LUC7L2: variants seen among roughly 807,000 people sequenced by gnomAD.
The protein encoded by LUC7L2 is LUC7 like 2, pre-mRNA splicing factor.
In LUC7L2, 25 loss-of-function variants were observed where a neutral mutation model predicts 52.8. That is an observed-to-expected ratio of 0.47 (90% CI 0.34 to 0.66). The LOEUF (loss-of-function observed/expected upper bound fraction) is 0.66. Ranked by LOEUF, LUC7L2 falls within the 30% of genes least tolerant of loss-of-function variation. The pLI is 0.01. For missense variants in LUC7L2, 328 were observed against 497.8 expected, an observed-to-expected ratio of 0.66 and a Z score of 3.25; for synonymous variants, 144 against 160.9, an observed-to-expected ratio of 0.89 and a Z score of 0.80.
At chr7:139,408,385 T>G (rs1795209063) in intron 6 of LUC7L2, among the ~76,000 whole-genome samples, 1 of 152,174 alleles carries the variant, frequency 6.6e-6, no homozygotes, top group African/African-American at 2.4e-5. Flanking sequence ...AGCAGCAGCA[T>G]CAGGATGGTA....
upstream of LUC7L2, among the ~76,000 whole-genome samples, chr7:139,358,850 T>C (rs772400881): frequency 5.3e-5 from 8 of 152,024 alleles, no homozygotes; most frequent in Non-Finnish European, 1.2e-4. Context: ...CCGGCTAATT[T>C]TTATATTTTT....
intron 1 of LUC7L2, among the ~76,000 whole-genome samples, chr7:139,361,740 A>G (rs1799893674): frequency 6.7e-6 from 1 of 149,190 alleles, no homozygotes; most frequent in Non-Finnish European, 1.5e-5. Flanking sequence ...TTATCACTGC[A>G]GCATGTCTTA....
At chr7:139,391,568 T>G (rs1569382520) in intron 2 of LUC7L2, among the ~76,000 whole-genome samples, 1 of 152,168 alleles carries the variant, frequency 6.6e-6, no homozygotes, top group Non-Finnish European at 1.5e-5. Flanking sequence ...TCAATTTTTT[T>G]TCTCTAAAAT....
At chr7:139,419,891 A>G (rs79332087) in intron 9 of LUC7L2, among the ~76,000 whole-genome samples, 13 of 152,226 alleles carry the variant, frequency 8.5e-5, no homozygotes, top group Non-Finnish European at 2.9e-5. Flanking sequence ...TTTGTTTTAT[A>G]CTAAAAATTA....
upstream of LUC7L2, among the ~76,000 whole-genome samples, chr7:139,356,314 CAAAAAAAAAAAAAAAA>C (rs10524961): frequency 0.65 from 53,908 of 83,316 alleles, 14,553 homozygotes; most frequent in African/African-American, 0.8. Flanking sequence ...GACCCTATCT[CAAAAAAAAAAAAAAAA>C]AAAAAAAAAA....
intron 1 of LUC7L2, among the ~76,000 whole-genome samples, chr7:139,367,695 A>G (rs1283012152): frequency 6.6e-6 from 1 of 152,276 alleles, no homozygotes; most frequent in Non-Finnish European, 1.5e-5. Flanking sequence ...GCCTGTAAGC[A>G]GAAATGACTG....
chr7:139,393,809 C>T (rs1033951582), intron 2 of LUC7L2, among the ~76,000 whole-genome samples: 4 of 152,154 alleles, frequency 2.6e-5, no homozygotes, highest in Non-Finnish European at 5.9e-5. Context: ...GCTTAGTAGT[C>T]ATCATGGTAT....
At chr7:139,376,213 T>C in intron 2 of LUC7L2, 57 bp downstream of exon 2, 1 of 1,556,196 alleles carries the variant, frequency 6.4e-7, no homozygotes, top group Admixed American at 1.7e-5. Context: ...AATGAACTAC[T>C]TGATAAAGTC....
intron 1 of LUC7L2, among the ~76,000 whole-genome samples, chr7:139,349,964 A>G (rs966950719): frequency 2.6e-5 from 4 of 152,168 alleles, no homozygotes; most frequent in Non-Finnish European, 4.4e-5. Context: ...GCCCCTTTGC[A>G]GTCAATTCTC....
chr7:139,394,578 A>G (rs2131266201), intron 2 of LUC7L2, among the ~76,000 whole-genome samples: 1 of 152,342 alleles, frequency 6.6e-6, no homozygotes, highest in Non-Finnish European at 1.5e-5. Flanking sequence ...ACAATGAGGC[A>G]AAATTTATGT....
chr7:139,350,372 C>G (rs917755739), intron 1 of LUC7L2, among the ~76,000 whole-genome samples: 4 of 152,120 alleles, frequency 2.6e-5, no homozygotes, highest in Admixed American at 2.0e-4. Flanking sequence ...CCACCCGCCT[C>G]GACCTCCCAA....
chr7:139,354,585 C>T (rs139550502), intron 1 of LUC7L2, among the ~76,000 whole-genome samples: 1,870 of 152,272 alleles, frequency 0.012, 34 homozygotes, highest in East Asian at 0.084. Context: ...TGGTCTCGAA[C>T]TCCTCACCTC....
intron 2 of LUC7L2, among the ~76,000 whole-genome samples, chr7:139,383,858 C>T (rs1006247308): frequency 2.6e-5 from 4 of 151,320 alleles, no homozygotes; most frequent in Non-Finnish European, 5.9e-5. Context: ...CTCAGCCTCC[C>T]GAGTAGCTGG....
chr7:139,360,044 T>G lies in LUC7L2; in HGVS notation c.-218T>G. 2.0e-6 allele frequency: 1 copy of G among 507,740 alleles called. No homozygotes were observed. Among genetic ancestry groups the G allele is most frequent in the Non-Finnish European group, 3.5e-6 (1 of 287,878 alleles). 31.5% of individuals were successfully genotyped at this position (507,740 alleles called of 1,614,324 possible). A position where few individuals can be genotyped will look rare whatever the true frequency, so the allele number is the denominator to read the frequency against. On this transcript the variant is annotated 5_prime_UTR_variant, in exon 1 of 10. Transcript: ENST00000354926. ...CGGACGGAGAGTGAGGGCACGAGGGTCGCTGTCGGGGGCTGTCGTCTTCCA... is the reference window on the plus strand; with the variant it reads ...CGGACGGAGAGTGAGGGCACGAGGGGCGCTGTCGGGGGCTGTCGTCTTCCA...
Position 139,376,131 on chromosome 7 carries a change from G to A in LUC7L2, c.131G>A (p.Cys44Tyr), listed in dbSNP as rs1800696936. ...TGCAAGAGTCACCTTCTCAACTGTTGTCCTCATGATGTCCTTTCTGGAACT... is the reference window on the plus strand; with the variant it reads ...TGCAAGAGTCACCTTCTCAACTGTTATCCTCATGATGTCCTTTCTGGAACT... ...RVCKSHLLNC[C>Y]PHDVLSGTRM... Residue 44 changes from cysteine (C) to tyrosine (Y), a missense_variant, in exon 2 of 10, where the codon TGT becomes TAT. Physicochemically the swap from Cys to Tyr is radical, Grantham distance 194 (BLOSUM62 -2). Transcript: ENST00000354926. The A allele has an allele frequency of 6.2e-7, 1 of 1,613,618 alleles. No individual in the cohort carries two copies. Among genetic ancestry groups the A allele is most frequent in the African/African-American group, 1.3e-5 (1 of 74,896 alleles).
intron 9 of LUC7L2, among the ~76,000 whole-genome samples, chr7:139,421,450 T>C (rs983461670): frequency 6.6e-6 from 1 of 152,256 alleles, no homozygotes; most frequent in Non-Finnish European, 1.5e-5. Context: ...ACCTTTCTTA[T>C]AATGAAGTTG....
chr7:139,413,617 A>C (rs1569394853), intron 8 of LUC7L2, among the ~76,000 whole-genome samples: 1 of 152,184 alleles, frequency 6.6e-6, no homozygotes, highest in Non-Finnish European at 1.5e-5. Context: ...ATCTCTACTA[A>C]AAACACAAAA....
At chr7:139,402,608 T>C (rs1391765505) in intron 4 of LUC7L2, among the ~76,000 whole-genome samples, 2 of 152,186 alleles carry the variant, frequency 1.3e-5, no homozygotes, top group African/African-American at 4.8e-5. Flanking sequence ...CTTGCTGCAA[T>C]CTCTGCCTTC....
chr7:139,378,636 A>G (rs1487795717), intron 2 of LUC7L2, among the ~76,000 whole-genome samples: 3 of 152,210 alleles, frequency 2.0e-5, no homozygotes, highest in Non-Finnish European at 1.5e-5. Flanking sequence ...TTCATTTAAC[A>G]TCAGAAAAGA....
Sources: allele counts gnomAD v4.1 joint callset (sites outside exome capture counted in the v4.1 genomes callset), GRCh38; gene constraint gnomAD v4.1.1; transcripts MANE v1.5; gene names NCBI Gene and HGNC (gene_info 2026-07-23, HGNC 2026-07-21).